Variants in NHLRC2 observed in about 807,000 individuals in gnomAD.
The protein encoded by NHLRC2 is NHL repeat containing 2, also known as NHL repeat-containing protein 2.
NHLRC2 carries 33 observed loss-of-function variants against 68.1 expected under a neutral mutation model. That is an observed-to-expected ratio of 0.48 (90% CI 0.37 to 0.65). The LOEUF (loss-of-function observed/expected upper bound fraction) is 0.65, where lower values mean the gene tolerates loss of function less well. Among genes scored for constraint, NHLRC2 ranks in the 30% least tolerant of loss-of-function variants. The pLI is 0.00. For synonymous variants in NHLRC2, 311 were observed against 309.6 expected, an observed-to-expected ratio of 1.00 and a Z score of -0.05; for missense variants, 761 against 853.8, an observed-to-expected ratio of 0.89 and a Z score of 1.35.
chr10:113,871,498 A>G (rs1312327996), intron 2 of NHLRC2, among the ~76,000 whole-genome samples: 3 of 152,216 alleles, frequency 2.0e-5, no homozygotes, highest in African/African-American at 7.2e-5. Flanking sequence ...AAACAATAGT[A>G]GAGATGGTAG....
intron 2 of NHLRC2, among the ~76,000 whole-genome samples, chr10:113,873,870 A>T (rs1301165786): frequency 6.6e-6 from 1 of 152,100 alleles, no homozygotes; most frequent in Non-Finnish European, 1.5e-5. Context: ...TATTGCTTTC[A>T]TTTGCCTTGC....
rs541766653 is a variant in NHLRC2 at position 113,898,538 on chromosome 10, A to C, written c.1139+329A>C. On this transcript the variant is annotated intron_variant, in intron 6 of 10. Transcript: ENST00000369301. ...TTTCTACTCAGAAGTGACACACGTC[A>C]CTTCTACTTACATTTTATCAGCCAG... 2.6e-5 allele frequency among the ~76,000 whole-genome samples: 4 copies of C among 152,322 alleles called. No individual in the cohort carries two copies. In the East Asian group the frequency reaches 7.7e-4, roughly 29 times the overall value.
intron 2 of NHLRC2, among the ~76,000 whole-genome samples, chr10:113,867,198 C>T (rs941002804): frequency 1.3e-5 from 2 of 152,218 alleles, no homozygotes; most frequent in Non-Finnish European, 2.9e-5. Context: ...CTCCCGAAAT[C>T]TAAGCTCCCA....
At chr10:113,858,909 T>A (rs1845789352) in intron 2 of NHLRC2, 2 of 357,210 alleles carry the variant, frequency 5.6e-6, no homozygotes, top group Admixed American at 9.2e-5. Context: ...GGTTTTTCTC[T>A]GCGGATAGGG....
At chr10:113,907,653 G>C (rs1288667760) in intron 10 of NHLRC2, among the ~76,000 whole-genome samples, 2 of 152,098 alleles carry the variant, frequency 1.3e-5, no homozygotes, top group Admixed American at 6.5e-5. Flanking sequence ...TTTCTAGGAA[G>C]AGTTTTACGT....
chr10:113,902,164 A>C (rs527511354), intron 7 of NHLRC2, among the ~76,000 whole-genome samples: 1 of 152,330 alleles, frequency 6.6e-6, no homozygotes, highest in African/African-American at 2.4e-5. Context: ...GGAGAAAAGA[A>C]AAAAATGTAA....
At chr10:113,908,189 T>G in intron 10 of NHLRC2, 91 bp from the exon 11 acceptor site, 1 of 926,954 alleles carries the variant, frequency 1.1e-6, no homozygotes, top group Non-Finnish European at 1.7e-6. Flanking sequence ...TTAATAAATA[T>G]TTGTCGATCG....
Position 113,908,274 on chromosome 10 carries a change from T to G in NHLRC2, c.1925-6T>G, listed in dbSNP as rs1414676200. 2 of 1,610,848 alleles carry G rather than the reference T, an allele frequency of 1.2e-6. No individual in the cohort carries two copies. The highest frequency in any genetic ancestry group is 1.7e-6 in the Non-Finnish European group (2 of 1,177,154). Reference sequence around the variant, plus strand: ...CAGTCTTAATAATTTCATTTTTGATTTTTAGGCAATGAATGGCTACTTCAA... The same window carrying G: ...CAGTCTTAATAATTTCATTTTTGATGTTTAGGCAATGAATGGCTACTTCAA... On this transcript the variant is annotated splice_region_variant and splice_polypyrimidine_tract_variant and intron_variant, in intron 10 of 10. Transcript: ENST00000369301.
chr10:113,902,980 C>T (rs1846241495), intron 8 of NHLRC2, among the ~76,000 whole-genome samples: 1 of 152,172 alleles, frequency 6.6e-6, no homozygotes, highest in African/African-American at 2.4e-5. Context: ...ATTTTGTTTT[C>T]AGCATTTCCA....
At chr10:113,883,932 C>T (rs1228099348) in intron 4 of NHLRC2, among the ~76,000 whole-genome samples, 1 of 151,720 alleles carries the variant, frequency 6.6e-6, no homozygotes, top group Non-Finnish European at 1.5e-5. Flanking sequence ...ATGTATTTTG[C>T]TACATTGTGT....
intron 5 of NHLRC2, among the ~76,000 whole-genome samples, chr10:113,885,473 C>G (rs1244143343): frequency 6.6e-6 from 1 of 151,912 alleles, no homozygotes; most frequent in African/African-American, 2.4e-5. Context: ...AAAATTCAGT[C>G]TCCATTTTAT....
At chr10:113,874,619 G>A (rs186089671) in intron 2 of NHLRC2, among the ~76,000 whole-genome samples, 1 of 151,768 alleles carries the variant, frequency 6.6e-6, no homozygotes, top group African/African-American at 2.4e-5. Flanking sequence ...TTGAAAGTTG[G>A]GACATTACTC....
rs1846302531 is a variant in NHLRC2, at chr10:113,909,257, GACT to G, written c.*724_*726del. Reference sequence around the variant, plus strand: ...CTGACTCCTTTAACTGTTTTTGAGTGACTACATTACCAGATAATGAATGAGTCC... The same window carrying G: ...CTGACTCCTTTAACTGTTTTTGAGTGACATTACCAGATAATGAATGAGTCC... On this transcript the variant is annotated 3_prime_UTR_variant, in exon 11 of 11. Transcript: ENST00000369301. 2 of 152,122 alleles carry G rather than the reference GACT, an allele frequency of 1.3e-5. No homozygotes were observed. Among genetic ancestry groups the G allele is most frequent in the African/African-American group, 4.8e-5 (2 of 41,444 alleles). The allele number at this position is 152,122 out of a possible 1,614,324, so 9.4% of individuals were successfully genotyped here. A position where few individuals can be genotyped will look rare whatever the true frequency, so the allele number is the denominator to read the frequency against.
intron 10 of NHLRC2, 144 bp from the exon 11 acceptor site, chr10:113,908,136 A>G: frequency 1.6e-6 from 1 of 627,208 alleles, no homozygotes; most frequent in Non-Finnish European, 2.8e-6. Flanking sequence ...ATGTATATTT[A>G]TGTCCTTCCC....
chr10:113,864,710 C>A (rs1361500557), intron 2 of NHLRC2, among the ~76,000 whole-genome samples: 3 of 147,472 alleles, frequency 2.0e-5, no homozygotes, highest in African/African-American at 2.5e-5. Context: ...AAAAAAAAAA[C>A]CACACACACA....
intron 9 of NHLRC2, 57 bp from the exon 10 acceptor site, chr10:113,904,760 A>C: frequency 7.9e-7 from 1 of 1,272,838 alleles, no homozygotes; most frequent in Non-Finnish European, 1.1e-6. Flanking sequence ...ATATGCTCTC[A>C]TTCTATAATT....
chr10:113,878,934 G>T (rs1402847728), intron 3 of NHLRC2, among the ~76,000 whole-genome samples: 1 of 152,136 alleles, frequency 6.6e-6, no homozygotes, highest in African/African-American at 2.4e-5. Context: ...GCCTTGAATG[G>T]CTTGTCTGCT....
rs372968544 is a variant in NHLRC2, at chr10:113,866,082, A to G, written c.331+7402A>G. ...AAGTGTTTATTAATTCAAAACCTTG[A>G]AAGAGGCCCAATTTCATAATCAACT... On this transcript the variant is annotated intron_variant, in intron 2 of 10. Transcript: ENST00000369301. 6.6e-5 allele frequency among the ~76,000 whole-genome samples: 10 copies of G among 152,232 alleles called. No homozygotes were observed. In the East Asian group the frequency reaches 1.2e-3, roughly 18 times the overall value.
At chr10:113,857,962 C>G (rs745542456) in intron 1 of NHLRC2, among the ~76,000 whole-genome samples, 1 of 150,600 alleles carries the variant, frequency 6.6e-6, no homozygotes, top group Non-Finnish European at 1.5e-5. Context: ...TCTTACTATT[C>G]TTAAGCTTGA....
Sources: gnomAD v4.1 joint callset for allele counts (sites outside exome capture counted in the v4.1 genomes callset) on GRCh38, gnomAD v4.1.1 for gene constraint, MANE v1.5 for transcripts, NCBI Gene and HGNC (gene_info 2026-07-23, HGNC 2026-07-21) for gene names.